KIAA1549: variants seen among roughly 807,000 people sequenced by gnomAD.
KIAA1549 encodes the protein KIAA1549, also known as UPF0606 protein KIAA1549.
A neutral mutation model predicts 156.4 loss-of-function variants in KIAA1549; 70 were observed. That is an observed-to-expected ratio of 0.45 (90% CI 0.37 to 0.55). KIAA1549 has a LOEUF of 0.55. Ranked by LOEUF, KIAA1549 falls within the 20% of genes least tolerant of loss-of-function variation. KIAA1549 has a pLI of 0.00. For synonymous variants in KIAA1549, 1,103 were observed against 1,066.4 expected, an observed-to-expected ratio of 1.03 and a Z score of -0.67; for missense variants, 2,428 against 2,540.9, an observed-to-expected ratio of 0.96 and a Z score of 0.96.
chr7:138,889,030 A>G (rs984148637), intron 10 of KIAA1549, among the ~76,000 whole-genome samples: 3 of 152,210 alleles, frequency 2.0e-5, no homozygotes, highest in Admixed American at 1.3e-4. Context: ...AAACAGATAT[A>G]CTAAACAGTC....
intron 15 of KIAA1549, among the ~76,000 whole-genome samples, chr7:138,862,950 A>C (rs1042678967): frequency 3.3e-5 from 5 of 152,194 alleles, no homozygotes; most frequent in African/African-American, 9.7e-5. Flanking sequence ...AGAAAAAAAA[A>C]CGCAAAGGTT....
intron 12 of KIAA1549, among the ~76,000 whole-genome samples, chr7:138,875,598 T>C (rs1811062062): frequency 6.6e-6 from 1 of 152,150 alleles, no homozygotes; most frequent in African/African-American, 2.4e-5. Flanking sequence ...TGAGCTGTGA[T>C]TGTGCCACTG....
intron 1 of KIAA1549, among the ~76,000 whole-genome samples, chr7:138,940,866 GT>G (rs1813164030): frequency 1.3e-5 from 2 of 152,070 alleles, no homozygotes; most frequent in Admixed American, 6.6e-5. Flanking sequence ...GGGGTTGTTT[GT>G]TTTTTTCTTG....
At chr7:138,961,685 A>T (rs1033967137) in intron 1 of KIAA1549, among the ~76,000 whole-genome samples, 1 of 152,110 alleles carries the variant, frequency 6.6e-6, no homozygotes, top group African/African-American at 2.4e-5. Context: ...ACTATCAAAA[A>T]GAAAAATGCG....
chr7:138,861,080 T>G, intron 16 of KIAA1549, 59 bp downstream of exon 16: 1 of 1,561,572 alleles, frequency 6.4e-7, no homozygotes, highest in Non-Finnish European at 8.8e-7. Flanking sequence ...AGTCAGGCAG[T>G]CAGGCAACAA....
In KIAA1549 at chr7:138,918,007, G is replaced by A. The variant is rs1412687555; in HGVS notation, c.1619C>T (p.Ser540Phe). The change falls in exon 2 of 20, where the codon TCC (serine) becomes TTC (phenylalanine). Residue 540 changes from serine to phenylalanine, a missense_variant. By Grantham distance (155) the Ser-to-Phe change is radical. Coordinates refer to ENST00000422774, the MANE Select transcript of KIAA1549 (RefSeq NM_001164665.2). This position sits in a 1 kb window ranked among gnomAD's most constrained non-coding sequence, Gnocchi z 4.2. The part of the protein sequence containing the change: ...VPASLDPTAG[S>F]LSVAETQVTP... ...CACTTGGGTTTCAGCAACAGACAAG[G>A]AGCCAGCAGTAGGATCAAGTGACGC... The A allele has an allele frequency of 6.2e-7, 1 of 1,603,160 alleles. No homozygotes were observed. Among genetic ancestry groups the A allele is most frequent in the South Asian group, 1.1e-5 (1 of 89,370 alleles).
At position 138,869,719 on chromosome 7, in the gene KIAA1549, G is replaced by A. The variant is rs1481148942; in HGVS notation, c.4594C>T (p.Arg1532Cys). ...TTGGCGCGCAGGCGGATCTTGTTGC[G>A]ATGGTGCTCGATCTCAGACTTGTGC... ...LRHKSEIEHH[R>C]NKIRLRAKRR... The change falls in exon 14 of 20, where the codon CGC (arginine) becomes TGC (cysteine). Residue 1532 changes from arginine to cysteine, a missense_variant. Arg to Cys is a radical substitution (Grantham distance 180). This residue lies in a region of KIAA1549 where 404 missense variants were observed against 417.0 expected (regional missense o/e 0.97). Coordinates refer to ENST00000422774, the MANE Select transcript of KIAA1549 (RefSeq NM_001164665.2). The A allele has an allele frequency of 5.0e-6, 8 of 1,611,832 alleles. No individual in the cohort carries two copies. Among genetic ancestry groups the A allele is most frequent in the East Asian group, 2.2e-5 (1 of 44,882 alleles).
intron 1 of KIAA1549, among the ~76,000 whole-genome samples, chr7:138,932,041 T>C (rs75121097): frequency 0.012 from 1,794 of 152,298 alleles, 36 homozygotes; most frequent in African/African-American, 0.041. Context: ...CAACCCACTG[T>C]TACTCACAGT....
chr7:138,937,253 G>C (rs976019518), intron 1 of KIAA1549, among the ~76,000 whole-genome samples: 6 of 151,988 alleles, frequency 3.9e-5, no homozygotes, highest in Admixed American at 2.0e-4. Flanking sequence ...CCCTGCATGT[G>C]CTTCTCTCTT....
intron 18 of KIAA1549, among the ~76,000 whole-genome samples, chr7:138,841,426 C>G (rs937511178): frequency 2.6e-5 from 4 of 152,142 alleles, no homozygotes; most frequent in Non-Finnish European, 4.4e-5. Flanking sequence ...CTAATTACCC[C>G]CCTATACCCA....
At chr7:138,923,860 C>T (rs918801823) in intron 1 of KIAA1549, among the ~76,000 whole-genome samples, 1 of 151,984 alleles carries the variant, frequency 6.6e-6, no homozygotes, top group Admixed American at 6.6e-5. Flanking sequence ...ATATTTAGTG[C>T]CATAGATAAA....
intron 8 of KIAA1549, 61 bp downstream of exon 8, chr7:138,903,527 C>G: frequency 6.5e-7 from 1 of 1,548,790 alleles, no homozygotes; most frequent in Non-Finnish European, 8.8e-7. Flanking sequence ...AGTGTGCACT[C>G]ACACGCAAGC....
rs201014208 is a variant in KIAA1549 at position 138,918,727 on chromosome 7, G to A, written c.899C>T (p.Pro300Leu). 6.6e-4 allele frequency: 1,061 copies of A among 1,613,864 alleles called. No homozygotes were observed. The highest frequency in any genetic ancestry group is 8.1e-4 in the Non-Finnish European group (955 of 1,179,868). The change falls in exon 2 of 20, where the codon CCG (proline) becomes CTG (leucine). Residue 300 changes from proline to leucine, a missense_variant. Coordinates refer to ENST00000422774, the MANE Select transcript of KIAA1549 (RefSeq NM_001164665.2). This position sits in a 1 kb window ranked among gnomAD's most constrained non-coding sequence, Gnocchi z 4.2. The part of the protein sequence containing the change: ...PQPLGDGITI[P>L]LPSLGEVSQP... ...TGAGACCTCCCCCAAGGAGGGCAAC[G>A]GTATAGTAATGCCGTCGCCTAACGG...
Position 138,879,597 on chromosome 7 carries a change from G to C in KIAA1549, c.4286C>G (p.Ala1429Gly). 1 of 1,568,590 alleles carries C rather than the reference G, an allele frequency of 6.4e-7. No individual in the cohort carries two copies. The highest frequency in any genetic ancestry group is 1.2e-5 in the South Asian group (1 of 85,108). ...GACGGCTCCCGGCGTCTTATCTCCT[G>C]CGTCCCTCTCGCTGGACTCTTCACT... ...TVSEESSERD[A>G]GDKTPGAVND... The change falls in exon 12 of 20, where the codon GCA becomes GGA. Residue 1429 changes from alanine (A) to glycine (G), a missense_variant. Transcript: ENST00000422774.
chr7:138,852,149 T>C (rs1563049369), intron 17 of KIAA1549, 74 bp downstream of exon 17: 1 of 989,524 alleles, frequency 1.0e-6, no homozygotes, highest in East Asian at 2.5e-5. Context: ...TTAGCTAAAA[T>C]TAGTGAGTTT....
chr7:138,974,202 C>T (rs1289988960), intron 1 of KIAA1549, among the ~76,000 whole-genome samples: 1 of 152,130 alleles, frequency 6.6e-6, no homozygotes, highest in African/African-American at 2.4e-5. Flanking sequence ...GATAGCACCT[C>T]AAACCTGCCA....
chr7:138,881,279 C>T, intron 11 of KIAA1549, 109 bp downstream of exon 11: 1 of 1,093,818 alleles, frequency 9.1e-7, no homozygotes, highest in Non-Finnish European at 1.3e-6. Flanking sequence ...TGCTGGGCTG[C>T]ACATGCAGGG....
At chr7:138,883,738 C>A (rs994022490) in intron 10 of KIAA1549, among the ~76,000 whole-genome samples, 2 of 152,190 alleles carry the variant, frequency 1.3e-5, no homozygotes, top group African/African-American at 4.8e-5. Context: ...ATAAACTGCA[C>A]AGCAATGGTC....
intron 17 of KIAA1549, among the ~76,000 whole-genome samples, chr7:138,845,540 T>A (rs1259972750): frequency 6.6e-6 from 1 of 152,230 alleles, no homozygotes; most frequent in African/African-American, 2.4e-5. Flanking sequence ...TCGTACTCTG[T>A]TACGCTAAAA....
Sources: gnomAD v4.1 joint callset for allele counts (sites outside exome capture counted in the v4.1 genomes callset) on GRCh38, gnomAD v4.1.1 for gene constraint, gnomAD v4.1.1 regional missense constraint, Gnocchi (gnomAD v3.1) non-coding constraint, MANE v1.5 for transcripts, NCBI Gene and HGNC (gene_info 2026-07-23, HGNC 2026-07-21) for gene names.